The following ANGPT1 variants were observed in gnomAD, a reference collection of about 807,000 sequenced individuals.
ANGPT1 encodes the protein angiopoietin 1, also known as angiopoietin-1.
ANGPT1 carries 17 observed loss-of-function variants against 62.2 expected under a neutral mutation model. That is an observed-to-expected ratio of 0.27 (90% CI 0.19 to 0.41). The LOEUF is 0.41. Ranked by LOEUF, ANGPT1 falls within the 10% of genes least tolerant of loss-of-function variation. The pLI is 1.00. For synonymous variants in ANGPT1, 199 were observed against 198.9 expected (o/e 1.00, Z 0.00); for missense variants, 478 against 594.9 (o/e 0.80, Z 2.04).
chr8:107,361,689 T>C (rs897854354), intron 1 of ANGPT1, among the ~76,000 whole-genome samples: 2 of 150,450 alleles, frequency 1.3e-5, no homozygotes, highest in African/African-American at 4.9e-5. Context: ...GATGGGGTAA[T>C]AGACAGTTCA....
At chr8:107,272,422 A>G (rs1020057944) in intron 7 of ANGPT1, among the ~76,000 whole-genome samples, 3 of 151,986 alleles carry the variant, frequency 2.0e-5, no homozygotes, top group African/African-American at 7.2e-5. Flanking sequence ...GTTTTTGATA[A>G]TATACATTTT....
At chr8:107,399,797 A>G (rs1817008018) in intron 1 of ANGPT1, among the ~76,000 whole-genome samples, 1 of 152,160 alleles carries the variant, frequency 6.6e-6, no homozygotes, top group South Asian at 2.1e-4. Flanking sequence ...ACCCGCAAAC[A>G]CCACAATTGC....
At chr8:107,344,382 G>A (rs1815759358) in intron 2 of ANGPT1, among the ~76,000 whole-genome samples, 1 of 152,156 alleles carries the variant, frequency 6.6e-6, no homozygotes, top group Non-Finnish European at 1.5e-5. Context: ...TGATAACAGA[G>A]TGAGAAAAAC....
chr8:107,281,163 C>T (rs972401846), intron 7 of ANGPT1, among the ~76,000 whole-genome samples: 2 of 152,008 alleles, frequency 1.3e-5, no homozygotes, highest in African/African-American at 4.8e-5. Context: ...TCTATCCATT[C>T]ACAACACTTT....
chr8:107,420,364 G>A (rs1381543123), intron 1 of ANGPT1, among the ~76,000 whole-genome samples: 5 of 152,032 alleles, frequency 3.3e-5, no homozygotes, highest in South Asian at 4.1e-4. Context: ...TGTACCATAC[G>A]TGACAAAGCC....
intron 1 of ANGPT1, among the ~76,000 whole-genome samples, chr8:107,408,732 G>A (rs1817200676): frequency 6.6e-6 from 1 of 152,162 alleles, no homozygotes; most frequent in East Asian, 1.9e-4. Context: ...GAACTTTCAT[G>A]TTTTATAGAT....
chr8:107,406,011 T>C (rs1244856864), intron 1 of ANGPT1, among the ~76,000 whole-genome samples: 2 of 151,948 alleles, frequency 1.3e-5, no homozygotes, highest in East Asian at 3.9e-4. Context: ...CTCTCACCAG[T>C]GATGTTTGAG....
chr8:107,288,318 C>T (rs543607162), intron 6 of ANGPT1, among the ~76,000 whole-genome samples: 3 of 152,246 alleles, frequency 2.0e-5, no homozygotes, highest in Non-Finnish European at 1.5e-5. Context: ...CTTCCAAGTA[C>T]TTAAGTATCT....
intron 1 of ANGPT1, among the ~76,000 whole-genome samples, chr8:107,386,662 G>A (rs1312153997): frequency 6.6e-6 from 1 of 152,074 alleles, no homozygotes; most frequent in African/African-American, 2.4e-5. Flanking sequence ...TTAACTTCAA[G>A]TGTGGTATTA....
At chr8:107,332,292 C>T (rs1345943024) in intron 3 of ANGPT1, among the ~76,000 whole-genome samples, 1 of 152,152 alleles carries the variant, frequency 6.6e-6, no homozygotes, top group Non-Finnish European at 1.5e-5. Context: ...GGTTGAGTTA[C>T]AGATTCCTTA....
At chr8:107,425,195 TC>T (rs1243060520) in intron 1 of ANGPT1, among the ~76,000 whole-genome samples, 4 of 152,214 alleles carry the variant, frequency 2.6e-5, no homozygotes, top group Non-Finnish European at 5.9e-5. Context: ...CTTAAAGCAT[TC>T]CTTTCTATGC....
In ANGPT1 at chr8:107,473,413, T is replaced by C. The variant is rs376165733; in HGVS notation, c.297+23849A>G. 3.3e-5 allele frequency among the ~76,000 whole-genome samples: 5 copies of C among 152,008 alleles called. No individual in the cohort carries two copies. In the East Asian group the frequency reaches 9.7e-4, roughly 29 times the overall value. On this transcript the variant is annotated intron_variant, in intron 1 of 8. Transcript: ENST00000517746. ...TACAGAATTCACATGCCTGCAAACA[T>C]GTAATGACCCAATTGAAAACACAAG... is the stretch of plus-strand genomic sequence containing the variant.
At chr8:107,410,457 C>T (rs1817245038) in intron 1 of ANGPT1, among the ~76,000 whole-genome samples, 1 of 152,114 alleles carries the variant, frequency 6.6e-6, no homozygotes, top group Non-Finnish European at 1.5e-5. Context: ...CTACAGTCCG[C>T]AGGTGACCTA....
chr8:107,384,881 T>C (rs893931719), intron 1 of ANGPT1, among the ~76,000 whole-genome samples: 1 of 152,122 alleles, frequency 6.6e-6, no homozygotes, highest in African/African-American at 2.4e-5. Context: ...TGGGGTGTCA[T>C]TTTCCCCTTG....
In ANGPT1 at chr8:107,491,848, C is replaced by G. The variant is rs147991438; in HGVS notation, c.297+5414G>C. On this transcript the variant is annotated intron_variant, in intron 1 of 8. Coordinates refer to ENST00000517746, the MANE Select transcript of ANGPT1 (RefSeq NM_001146.5). ...TCATTTAAATTACATTAAGCCAATA[C>G]CTTTATATGAGAGGAGTGCTATTAA... Among the ~76,000 whole-genome samples the G allele has an allele frequency of 3.3e-5, 5 of 152,224 alleles. No homozygotes were observed. The East Asian group carries it at 9.6e-4, about 29-fold the overall frequency.
chr8:107,343,540 C>T (rs1451610521), intron 2 of ANGPT1, among the ~76,000 whole-genome samples: 1 of 152,158 alleles, frequency 6.6e-6, no homozygotes, highest in East Asian at 1.9e-4. Flanking sequence ...CAATGGATTT[C>T]AGAGCACAGC....
At position 107,362,784 on chromosome 8, in the gene ANGPT1, A is replaced by AT. The variant is rs1052636431; in HGVS notation, c.298-15688dup. Reference sequence around the variant, plus strand: ...CATTTGCTTTTTCATAATTCTCACCATTTTTTTTCTGTAAAAAAGGAAGAG... The same window carrying AT: ...CATTTGCTTTTTCATAATTCTCACCATTTTTTTTTCTGTAAAAAAGGAAGAG... On this transcript the variant is annotated intron_variant, in intron 1 of 8. Coordinates refer to ENST00000517746, the MANE Select transcript of ANGPT1 (RefSeq NM_001146.5). Among the ~76,000 whole-genome samples the AT allele has an allele frequency of 4.7e-4, 71 of 151,970 alleles. 2 individuals are homozygous for AT. The highest frequency in any genetic ancestry group is 2.3e-3 in the East Asian group (12 of 5,178).
At chr8:107,452,736 T>G (rs1486365882) in intron 1 of ANGPT1, among the ~76,000 whole-genome samples, 1 of 151,956 alleles carries the variant, frequency 6.6e-6, no homozygotes, top group African/African-American at 2.4e-5. Flanking sequence ...CTGCCCAAAC[T>G]CCAAGAGCTT....
intron 1 of ANGPT1, among the ~76,000 whole-genome samples, chr8:107,496,705 C>G (rs1813109102): frequency 6.6e-6 from 1 of 152,036 alleles, no homozygotes; most frequent in Non-Finnish European, 1.5e-5. Context: ...GTCTACTATT[C>G]TACCACTTGC....
Sources: allele counts gnomAD v4.1 joint callset (sites outside exome capture counted in the v4.1 genomes callset), GRCh38; gene constraint gnomAD v4.1.1; transcripts MANE v1.5; gene names NCBI Gene and HGNC (gene_info 2026-07-23, HGNC 2026-07-21).